FAF1: variants seen among roughly 807,000 people sequenced by gnomAD.
FAF1 encodes the protein Fas associated factor 1, also known as FAS-associated factor 1.
FAF1 carries 25 observed loss-of-function variants against 92.5 expected under a neutral mutation model. The observed-to-expected ratio is 0.27, with a 90% CI of 0.20 to 0.38. FAF1 has a LOEUF of 0.38. Ranked by LOEUF, FAF1 falls within the 10% of genes least tolerant of loss-of-function variation. The probability of loss-of-function intolerance (pLI) is 1.00; values close to 1 mark genes in which losing one functional copy is unlikely to be tolerated. For missense variants in FAF1, 636 were observed against 793.3 expected (o/e 0.80, Z 2.38); for synonymous variants, 234 against 273.2 (o/e 0.86, Z 1.42).
intron 1 of FAF1, among the ~76,000 whole-genome samples, chr1:50,954,642 G>A (rs924625473): frequency 3.4e-5 from 5 of 146,030 alleles, no homozygotes; most frequent in Non-Finnish European, 3.0e-5. Flanking sequence ...CCAGGTTCAA[G>A]TGATTCTCCT....
chr1:50,899,645 G>T (rs958212749), intron 1 of FAF1, among the ~76,000 whole-genome samples: 1 of 152,094 alleles, frequency 6.6e-6, no homozygotes, highest in Non-Finnish European at 1.5e-5. Flanking sequence ...TAAAGACAGG[G>T]TTTCACCATG....
chr1:50,923,974 G>A (rs905345262), intron 1 of FAF1, among the ~76,000 whole-genome samples: 16 of 152,094 alleles, frequency 1.1e-4, no homozygotes, highest in African/African-American at 3.9e-4. Context: ...CATACTGAAT[G>A]GGGAGAAACT....
chr1:50,494,043 C>A (rs1019771453), intron 15 of FAF1, among the ~76,000 whole-genome samples: 4 of 151,654 alleles, frequency 2.6e-5, no homozygotes, highest in Non-Finnish European at 5.9e-5. Context: ...ACTCACAGCT[C>A]TCTCTGACCA....
At chr1:50,664,088 C>T (rs1463384729) in intron 7 of FAF1, among the ~76,000 whole-genome samples, 1 of 150,340 alleles carries the variant, frequency 6.7e-6, no homozygotes, top group Non-Finnish European at 1.5e-5. Flanking sequence ...ACTTCTGCCT[C>T]CGGGGTTCAA....
At chr1:50,458,535 G>C (rs961707786) in intron 18 of FAF1, among the ~76,000 whole-genome samples, 2 of 152,110 alleles carry the variant, frequency 1.3e-5, no homozygotes, top group South Asian at 2.1e-4. Flanking sequence ...AAGCGGTAAG[G>C]GCAAAATTTT....
intron 4 of FAF1, among the ~76,000 whole-genome samples, chr1:50,754,903 A>C (rs935439316): frequency 1.3e-5 from 2 of 151,408 alleles, no homozygotes; most frequent in Non-Finnish European, 3.0e-5. Context: ...AGATCTGATA[A>C]GACTTGCTCA....
chr1:50,681,598 C>G (rs539758759), intron 7 of FAF1, among the ~76,000 whole-genome samples: 6 of 152,144 alleles, frequency 3.9e-5, no homozygotes, highest in African/African-American at 1.4e-4. Context: ...ACCTCTGCCC[C>G]CCGAGTTCAA....
At position 50,960,161 on chromosome 1, in the gene FAF1, T is replaced by C; in HGVS notation, c.-350A>G. ...CGCACCCGGATACCTTCAGCGGCGT[T>C]AAGCCCGGCGGGGGCGGGGAAACCG... On this transcript the variant is annotated 5_prime_UTR_variant, in exon 1 of 19. Transcript: ENST00000396153. 1 of 327,622 alleles carries C rather than the reference T, an allele frequency of 3.1e-6. No homozygotes were observed. The highest frequency in any genetic ancestry group is 5.6e-6 in the Non-Finnish European group (1 of 179,126). 20.3% of individuals were successfully genotyped at this position (327,622 alleles called of 1,614,324 possible).
intron 6 of FAF1, among the ~76,000 whole-genome samples, chr1:50,732,383 A>G (rs1266785503): frequency 6.6e-6 from 1 of 151,994 alleles, no homozygotes; most frequent in Non-Finnish European, 1.5e-5. Flanking sequence ...CCTTAAATAC[A>G]TTATTTTCTG....
At chr1:50,781,523 T>C (rs1173891928) in intron 4 of FAF1, among the ~76,000 whole-genome samples, 2 of 151,852 alleles carry the variant, frequency 1.3e-5, no homozygotes, top group Non-Finnish European at 2.9e-5. Flanking sequence ...CTGACAAAAC[T>C]GAAGGGAAAA....
intron 1 of FAF1, among the ~76,000 whole-genome samples, chr1:50,875,103 ATT>A (rs1453792463): frequency 6.6e-6 from 1 of 151,676 alleles, no homozygotes; most frequent in African/African-American, 2.4e-5. Flanking sequence ...AGAATACTGA[ATT>A]TTTTTGTTTT....
chr1:50,736,632 T>TC (rs1320481361), intron 6 of FAF1, among the ~76,000 whole-genome samples: 3 of 151,998 alleles, frequency 2.0e-5, no homozygotes, highest in African/African-American at 7.2e-5. Flanking sequence ...GCACCTGTAA[T>TC]CCCAGCTACT....
At chr1:50,546,411 G>T (rs1649018787) in intron 13 of FAF1, among the ~76,000 whole-genome samples, 1 of 152,074 alleles carries the variant, frequency 6.6e-6, no homozygotes, top group Non-Finnish European at 1.5e-5. Context: ...TGTCGTCTAG[G>T]CTGGAGTGCG....
intron 1 of FAF1, among the ~76,000 whole-genome samples, chr1:50,917,309 T>A (rs1426558237): frequency 6.6e-6 from 1 of 152,136 alleles, no homozygotes; most frequent in Non-Finnish European, 1.5e-5. Flanking sequence ...CAAGATGGTA[T>A]AAGATCCTGA....
At chr1:50,674,021 GCT>G (rs1229226342) in intron 7 of FAF1, among the ~76,000 whole-genome samples, 2 of 151,850 alleles carry the variant, frequency 1.3e-5, no homozygotes, top group Non-Finnish European at 2.9e-5. Context: ...CATGATCTCG[GCT>G]CACTGCAACC....
intron 18 of FAF1, among the ~76,000 whole-genome samples, chr1:50,472,368 TACACACACACACACACACACACACAC>T (rs71850142): frequency 5.7e-5 from 7 of 123,886 alleles, no homozygotes; most frequent in South Asian, 6.1e-4. Context: ...GGGGAAAACA[TACACACACACACACACACACACACAC>T]ACACACACAC....
At chr1:50,819,294 T>C (rs115439921) in intron 2 of FAF1, among the ~76,000 whole-genome samples, 1,983 of 152,078 alleles carry the variant, frequency 0.013, 42 homozygotes, top group African/African-American at 0.044. Flanking sequence ...CCAAAATTCA[T>C]AGGGCTATCT....
At chr1:50,855,485 C>T (rs1332548340) in intron 2 of FAF1, among the ~76,000 whole-genome samples, 1 of 151,740 alleles carries the variant, frequency 6.6e-6, no homozygotes, top group Non-Finnish European at 1.5e-5. Context: ...GAGGTTACAA[C>T]TCAATTAATG....
chr1:50,552,297 CAA>C (rs766349774), intron 13 of FAF1, among the ~76,000 whole-genome samples: 9 of 84,948 alleles, frequency 1.1e-4, no homozygotes, highest in Admixed American at 2.6e-4. Context: ...ACTCTGTTTC[CAA>C]AAAAAAAAAA....
Sources: allele counts gnomAD v4.1 joint callset (sites outside exome capture counted in the v4.1 genomes callset), GRCh38; gene constraint gnomAD v4.1.1; transcripts MANE v1.5; gene names NCBI Gene and HGNC (gene_info 2026-07-23, HGNC 2026-07-21).